CALCR: variants seen among roughly 807,000 people sequenced by gnomAD.
CALCR encodes calcitonin receptor.
In CALCR, 47 loss-of-function variants were observed where a neutral mutation model predicts 59.5. That is an observed-to-expected ratio of 0.79 (90% CI 0.63 to 1.01). CALCR has a LOEUF of 1.01. Among genes scored for constraint, CALCR ranks in the 50% least tolerant of loss-of-function variants. The pLI, the probability that CALCR is intolerant of heterozygous loss-of-function variation, is 0.00. For synonymous variants in CALCR, 213 were observed against 211.3 expected (o/e 1.01, Z -0.07); for missense variants, 566 against 597.1 (o/e 0.95, Z 0.54).
intron 9 of CALCR, chr7:93,441,671 A>T (rs1484156640): frequency 5.1e-6 from 2 of 392,634 alleles, no homozygotes; most frequent in East Asian, 1.4e-4. Flanking sequence ...TGATAGCCTG[A>T]TTTCTAACCT....
chr7:93,514,543 G>T (rs1801611659), intron 2 of CALCR, among the ~76,000 whole-genome samples: 2 of 151,822 alleles, frequency 1.3e-5, no homozygotes, highest in Admixed American at 1.3e-4. Flanking sequence ...AATCTAATCT[G>T]AATTATGGCA....
chr7:93,448,900 G>A (rs538393588), intron 8 of CALCR, among the ~76,000 whole-genome samples: 2 of 151,934 alleles, frequency 1.3e-5, no homozygotes, highest in African/African-American at 2.4e-5. Context: ...ACAAAACTGA[G>A]GCAAAATGAA....
chr7:93,555,624 A>C (rs971419738), intron 2 of CALCR, among the ~76,000 whole-genome samples: 3 of 152,200 alleles, frequency 2.0e-5, no homozygotes, highest in African/African-American at 7.2e-5. Flanking sequence ...TCAAATGGGA[A>C]ACATTGAATT....
At chr7:93,559,244 A>G (rs1323428173) in intron 2 of CALCR, among the ~76,000 whole-genome samples, 3 of 152,068 alleles carry the variant, frequency 2.0e-5, no homozygotes, top group Admixed American at 6.6e-5. Context: ...ACACACACAA[A>G]CCAGGCTGTC....
chr7:93,541,878 A>ATGT (rs1215131223), intron 2 of CALCR, among the ~76,000 whole-genome samples: 2 of 152,200 alleles, frequency 1.3e-5, no homozygotes, highest in African/African-American at 4.8e-5. Context: ...CAAATCTGTG[A>ATGT]TGTTTTTACT....
intron 9 of CALCR, among the ~76,000 whole-genome samples, chr7:93,441,131 A>C (rs768428736): frequency 2.0e-5 from 3 of 152,178 alleles, no homozygotes; most frequent in Non-Finnish European, 1.5e-5. Context: ...AGCAGTATAA[A>C]TTGTTCCTTC....
At chr7:93,435,341 T>C (rs1799748733) in intron 12 of CALCR, among the ~76,000 whole-genome samples, 1 of 152,172 alleles carries the variant, frequency 6.6e-6, no homozygotes. Flanking sequence ...AAGGAAGATC[T>C]GACAATTTCT....
chr7:93,565,455 T>C (rs748229534), intron 2 of CALCR, among the ~76,000 whole-genome samples: 2 of 152,236 alleles, frequency 1.3e-5, no homozygotes, highest in African/African-American at 2.4e-5. Flanking sequence ...GAAGAAATGC[T>C]AAGTTTCTCA....
intron 9 of CALCR, among the ~76,000 whole-genome samples, chr7:93,439,712 T>C (rs1414218859): frequency 6.6e-6 from 1 of 152,114 alleles, no homozygotes; most frequent in African/African-American, 2.4e-5. Context: ...GTAGGATTCA[T>C]TTTTTAAGAG....
intron 2 of CALCR, among the ~76,000 whole-genome samples, chr7:93,504,373 C>G (rs1801382804): frequency 1.3e-5 from 2 of 152,178 alleles, no homozygotes; most frequent in Non-Finnish European, 2.9e-5. Context: ...AAGGAAACCC[C>G]TGACTGCAAA....
At chr7:93,554,793 T>TATATATATATATATATATATATA (rs1789552399) in intron 2 of CALCR, among the ~76,000 whole-genome samples, 2 of 98,978 alleles carry the variant, frequency 2.0e-5, no homozygotes, top group East Asian at 3.0e-4. Flanking sequence ...ATATATATAT[T>TATATATATATATATATATATATA]ATACGTACAT....
intron 2 of CALCR, among the ~76,000 whole-genome samples, chr7:93,520,349 G>A (rs1166132124): frequency 6.6e-6 from 1 of 151,976 alleles, no homozygotes; most frequent in East Asian, 1.9e-4. Context: ...TTCTTGACAG[G>A]TAATGTGTAA....
intron 9 of CALCR, among the ~76,000 whole-genome samples, chr7:93,441,040 A>G (rs1044276759): frequency 6.6e-6 from 1 of 151,876 alleles, no homozygotes; most frequent in Non-Finnish European, 1.5e-5. Context: ...TATGTGTTTT[A>G]AGCAGATATC....
intron 2 of CALCR, among the ~76,000 whole-genome samples, chr7:93,568,282 G>A (rs1381598345): frequency 1.3e-5 from 2 of 152,084 alleles, no homozygotes; most frequent in Non-Finnish European, 2.9e-5. Context: ...CTTTCAAAAA[G>A]GGAAAATAAA....
intron 2 of CALCR, among the ~76,000 whole-genome samples, chr7:93,536,821 A>C (rs971947752): frequency 2.0e-5 from 3 of 151,746 alleles, no homozygotes; most frequent in Admixed American, 6.6e-5. Context: ...GGTGGAACTT[A>C]AGTATGAATT....
At chr7:93,467,127 G>A (rs907172767) in intron 7 of CALCR, among the ~76,000 whole-genome samples, 2 of 151,726 alleles carry the variant, frequency 1.3e-5, no homozygotes, top group African/African-American at 2.4e-5. Flanking sequence ...TGAGAACCAT[G>A]ATGATGTGTT....
chr7:93,447,536 A>C (rs891709498), intron 8 of CALCR, among the ~76,000 whole-genome samples: 3 of 151,858 alleles, frequency 2.0e-5, no homozygotes, highest in African/African-American at 7.3e-5. Context: ...GAAGACCTTA[A>C]GTATGAGAAA....
intron 2 of CALCR, among the ~76,000 whole-genome samples, chr7:93,516,356 T>C (rs1314200115): frequency 6.6e-6 from 1 of 151,940 alleles, no homozygotes; most frequent in African/African-American, 2.4e-5. Context: ...GATTCATGAA[T>C]TCACTGCTCA....
At position 93,459,528 on chromosome 7, in the gene CALCR, T is replaced by C. The variant is rs113579057; in HGVS notation, c.648+1293A>G. The stretch of plus-strand genomic sequence containing the variant: ...AAGGTGCTCCTCCTCTGTCCTCCCC[T>C]GCCAGTTTATTTGCTTCATCCAGTA... On this transcript the variant is annotated intron_variant, in intron 8 of 13. Transcript: ENST00000426151. 1.9e-3 allele frequency among the ~76,000 whole-genome samples: 292 copies of C among 152,268 alleles called. 4 individuals are homozygous for C. The highest frequency in any genetic ancestry group is 6.6e-3 in the African/African-American group (274 of 41,564).
Sources: gnomAD v4.1 joint callset for allele counts (sites outside exome capture counted in the v4.1 genomes callset) on GRCh38, gnomAD v4.1.1 for gene constraint, MANE v1.5 for transcripts, NCBI Gene and HGNC (gene_info 2026-07-23, HGNC 2026-07-21) for gene names.